The following TMEM132D variants were observed in gnomAD, a reference collection of about 807,000 sequenced individuals.
TMEM132D encodes transmembrane protein 132D.
In TMEM132D, 21 loss-of-function variants were observed where a neutral mutation model predicts 62.3. The ratio of observed to expected loss-of-function variants is 0.34; its 90% CI spans 0.24 to 0.49. TMEM132D has a LOEUF of 0.49. TMEM132D is among the 20% of genes least tolerant of loss of function. TMEM132D has a pLI of 0.99. For missense variants in TMEM132D, 1,346 were observed against 1,402.8 expected (o/e 0.96, Z 0.65); for synonymous variants, 621 against 575.6 (o/e 1.08, Z -1.13).
rs552190017 is a variant in TMEM132D, at chr12:129,719,645, AG to A, written c.80-18948del. Among the ~76,000 whole-genome samples the A allele has an allele frequency of 2.0e-3, 307 of 152,368 alleles. 1 individual carries two copies. Among genetic ancestry groups the A allele is most frequent in the Non-Finnish European group, 3.1e-3 (208 of 68,048 alleles). On this transcript the variant is annotated intron_variant, in intron 1 of 8. Transcript: ENST00000422113. ...GTAAGTGCTGAATTCCATAAACATC[AG>A]GTAGCTGAGACACTTTGAAAATGAG...
At chr12:129,418,425 C>G (rs1872194197) in intron 3 of TMEM132D, among the ~76,000 whole-genome samples, 1 of 152,120 alleles carries the variant, frequency 6.6e-6, no homozygotes, top group African/African-American at 2.4e-5. Context: ...ATGGATGAAG[C>G]TGGAAACCAT....
intron 1 of TMEM132D, among the ~76,000 whole-genome samples, chr12:129,768,426 T>A (rs1870625403): frequency 6.6e-6 from 1 of 151,760 alleles, no homozygotes; most frequent in South Asian, 2.1e-4. Context: ...CTCATTGTGG[T>A]GAGGAGAATG....
chr12:129,627,398 T>G (rs756231412), intron 2 of TMEM132D, among the ~76,000 whole-genome samples: 3 of 152,152 alleles, frequency 2.0e-5, no homozygotes, highest in Non-Finnish European at 2.9e-5. Flanking sequence ...GGCTATACCA[T>G]ATAGAGTAGG....
At chr12:129,207,229 AAGG>A (rs1247609257) in intron 5 of TMEM132D, among the ~76,000 whole-genome samples, 4 of 150,350 alleles carry the variant, frequency 2.7e-5, no homozygotes, top group Non-Finnish European at 5.9e-5. Context: ...CTTAAGTTCC[AAGG>A]AGGACAGTCA....
intron 1 of TMEM132D, among the ~76,000 whole-genome samples, chr12:129,812,567 C>T (rs1374470345): frequency 6.6e-6 from 1 of 151,870 alleles, no homozygotes; most frequent in Non-Finnish European, 1.5e-5. Flanking sequence ...GTCTCCACCA[C>T]ATCATTGAAA....
At chr12:129,703,733 C>T (rs957762519) in intron 1 of TMEM132D, among the ~76,000 whole-genome samples, 2 of 152,218 alleles carry the variant, frequency 1.3e-5, no homozygotes, top group Admixed American at 6.5e-5. Context: ...AGGAGAGTGA[C>T]ATGTTCGCAT....
intron 5 of TMEM132D, among the ~76,000 whole-genome samples, chr12:129,106,870 G>A (rs1875518192): frequency 1.3e-5 from 2 of 152,192 alleles, no homozygotes; most frequent in South Asian, 4.1e-4. Context: ...CTGGGATGCT[G>A]AGCCGTCACT....
At chr12:129,409,296 G>C (rs764630881) in intron 3 of TMEM132D, among the ~76,000 whole-genome samples, 15 of 152,078 alleles carry the variant, frequency 9.9e-5, no homozygotes, top group Non-Finnish European at 2.1e-4. Flanking sequence ...AGCCTACTCA[G>C]GTCTCTCCTG....
intron 1 of TMEM132D, among the ~76,000 whole-genome samples, chr12:129,825,442 A>G (rs1209337414): frequency 6.6e-6 from 1 of 151,954 alleles, no homozygotes; most frequent in Admixed American, 6.6e-5. Flanking sequence ...TTACTCATCA[A>G]TTTATCTGCT....
intron 4 of TMEM132D, among the ~76,000 whole-genome samples, chr12:129,240,971 T>A (rs112277133): frequency 6.6e-6 from 1 of 151,984 alleles, no homozygotes; most frequent in Non-Finnish European, 1.5e-5. Flanking sequence ...TCCCTCTATA[T>A]CCATCACGTC....
intron 4 of TMEM132D, among the ~76,000 whole-genome samples, chr12:129,282,860 C>T (rs961800895): frequency 2.0e-5 from 3 of 152,194 alleles, no homozygotes; most frequent in Admixed American, 6.5e-5. Context: ...GATTGCTGGA[C>T]TGGTGATGCT....
chr12:129,449,407 T>C (rs1473940254), intron 3 of TMEM132D, among the ~76,000 whole-genome samples: 2 of 152,270 alleles, frequency 1.3e-5, no homozygotes, highest in Middle Eastern at 3.4e-3. Context: ...CGTGCAGAGT[T>C]AGGTAAGGCT....
chr12:129,326,428 C>T (rs938549284), intron 4 of TMEM132D, among the ~76,000 whole-genome samples: 26 of 152,136 alleles, frequency 1.7e-4, no homozygotes, highest in African/African-American at 6.3e-4. Flanking sequence ...GCTACTAATG[C>T]TTTATGCATT....
At chr12:129,080,574 TATA>T (rs1874415704) in intron 7 of TMEM132D, among the ~76,000 whole-genome samples, 1 of 152,226 alleles carries the variant, frequency 6.6e-6, no homozygotes, top group South Asian at 2.1e-4. Context: ...TAGTCTCAGT[TATA>T]ATGATTCCTC....
chr12:129,164,624 G>A (rs1055673223), intron 5 of TMEM132D, among the ~76,000 whole-genome samples: 1 of 152,186 alleles, frequency 6.6e-6, no homozygotes, highest in African/African-American at 2.4e-5. Flanking sequence ...CAATCATGGC[G>A]GAAGGTGAAG....
chr12:129,354,635 T>A (rs1869980152), intron 3 of TMEM132D, among the ~76,000 whole-genome samples: 1 of 152,204 alleles, frequency 6.6e-6, no homozygotes, highest in Admixed American at 6.5e-5. Context: ...ATTGGGTATT[T>A]TTTTAATGTG....
intron 4 of TMEM132D, among the ~76,000 whole-genome samples, chr12:129,252,038 A>C (rs1880281740): frequency 2.0e-5 from 3 of 152,180 alleles, no homozygotes; most frequent in Admixed American, 2.0e-4. Flanking sequence ...TTGGGGACTT[A>C]CTTGTTAGAG....
chr12:129,439,449 G>C (rs1327719767), intron 3 of TMEM132D, among the ~76,000 whole-genome samples: 2 of 150,614 alleles, frequency 1.3e-5, no homozygotes, highest in East Asian at 4.1e-4. Flanking sequence ...GTTGTTTTTT[G>C]TTTTTTATTT....
At chr12:129,158,998 G>A (rs1877322794) in intron 5 of TMEM132D, among the ~76,000 whole-genome samples, 1 of 152,114 alleles carries the variant, frequency 6.6e-6, no homozygotes, top group Non-Finnish European at 1.5e-5. Flanking sequence ...AGAATGCATG[G>A]GAGAAACCAC....
Sources: allele counts gnomAD v4.1 joint callset (sites outside exome capture counted in the v4.1 genomes callset), GRCh38; gene constraint gnomAD v4.1.1; transcripts MANE v1.5; gene names NCBI Gene and HGNC (gene_info 2026-07-23, HGNC 2026-07-21).